The following ZFYVE9 variants were observed in gnomAD, a reference collection of about 807,000 sequenced individuals.
The protein encoded by ZFYVE9 is zinc finger FYVE domain-containing protein 9.
Under a neutral mutation model 126.7 loss-of-function variants are expected in ZFYVE9, and 43 were observed. The ratio of observed to expected loss-of-function variants is 0.34; its 90% CI spans 0.27 to 0.44. The LOEUF is 0.44. ZFYVE9 is among the 20% of genes least tolerant of loss of function. The pLI, the probability that ZFYVE9 is intolerant of heterozygous loss-of-function variation, is 1.00. For synonymous variants in ZFYVE9, 521 were observed against 597.4 expected, an observed-to-expected ratio of 0.87 and a Z score of 1.87; for missense variants, 1,476 against 1,697.0, an observed-to-expected ratio of 0.87 and a Z score of 2.29.
intron 13 of ZFYVE9, among the ~76,000 whole-genome samples, chr1:52,305,529 C>G (rs1195646465): frequency 6.6e-6 from 1 of 152,176 alleles, no homozygotes; most frequent in Non-Finnish European, 1.5e-5. Flanking sequence ...CTGCTGCCAT[C>G]ATGCTGGCTG....
intron 10 of ZFYVE9, among the ~76,000 whole-genome samples, chr1:52,286,263 G>C (rs543528460): frequency 2.0e-5 from 3 of 152,150 alleles, no homozygotes; most frequent in African/African-American, 7.2e-5. Flanking sequence ...GTGAAACCTT[G>C]AATACTGTAT....
rs1304663814 is a variant in ZFYVE9, at chr1:52,309,083, CAG to C, written c.3438+5161_3438+5162del. ...TTTCTTATTGACCCTGAATCCCTAA[CAG>C]AGCAACACATTGCATGTAGGAGATG... On this transcript the variant is annotated intron_variant, in intron 13 of 18. Transcript: ENST00000287727. Among the ~76,000 whole-genome samples the C allele has an allele frequency of 2.6e-5, 4 of 152,288 alleles. No individual in the cohort carries two copies. In the East Asian group the frequency reaches 7.7e-4, roughly 29 times the overall value.
chr1:52,224,212 G>A (rs1645149489), intron 2 of ZFYVE9, among the ~76,000 whole-genome samples: 2 of 152,180 alleles, frequency 1.3e-5, no homozygotes, highest in Admixed American at 6.5e-5. Flanking sequence ...TCCTGAGGAA[G>A]GGGCATGTTC....
At chr1:52,334,604 C>A in intron 14 of ZFYVE9, 84 bp from the exon 15 acceptor site, 1 of 1,421,126 alleles carries the variant, frequency 7.0e-7, no homozygotes, top group Non-Finnish European at 9.8e-7. Flanking sequence ...GGTCGGAATT[C>A]TCAACTTCTG....
At chr1:52,258,767 T>C (rs1012330398) in intron 4 of ZFYVE9, among the ~76,000 whole-genome samples, 1 of 152,196 alleles carries the variant, frequency 6.6e-6, no homozygotes, top group Admixed American at 6.5e-5. Flanking sequence ...CTAACTCCTG[T>C]GCTTTCCTCT....
chr1:52,330,744 G>T (rs1315793428), intron 13 of ZFYVE9, among the ~76,000 whole-genome samples: 1 of 152,138 alleles, frequency 6.6e-6, no homozygotes, highest in East Asian at 1.9e-4. Flanking sequence ...CCTGTATCTT[G>T]TGCTTTCCTC....
Position 52,183,127 on chromosome 1 carries a change from GA to G in ZFYVE9, c.-142-33239del, listed in dbSNP as rs1644730471. Among the ~76,000 whole-genome samples the G allele has an allele frequency of 3.3e-5, 5 of 152,260 alleles. No homozygotes were observed. In the South Asian group the frequency reaches 6.2e-4, roughly 19 times the overall value. Reference sequence around the variant, plus strand: ...AAGGCGAAAGGGCAGTAATTAGAGGGAAATGTAGGGTTGAAGGAGAGGTTTT... The same window carrying G: ...AAGGCGAAAGGGCAGTAATTAGAGGGAATGTAGGGTTGAAGGAGAGGTTTT... On this transcript the variant is annotated intron_variant, in intron 1 of 18. Coordinates refer to ENST00000287727, the MANE Select transcript of ZFYVE9 (RefSeq NM_004799.4).
At chr1:52,303,426 C>T (rs1471797554) in intron 12 of ZFYVE9, among the ~76,000 whole-genome samples, 1 of 152,110 alleles carries the variant, frequency 6.6e-6, no homozygotes, top group African/African-American at 2.4e-5. Flanking sequence ...TACAGATATT[C>T]ATTGAGTGCC....
chr1:52,279,397 T>TGA (rs1557497338), intron 9 of ZFYVE9, among the ~76,000 whole-genome samples: 1 of 152,324 alleles, frequency 6.6e-6, no homozygotes, highest in East Asian at 1.9e-4. Context: ...CATCATAAAT[T>TGA]GAGATTCAGA....
At chr1:52,343,424 C>T (rs1355330563) in intron 17 of ZFYVE9, among the ~76,000 whole-genome samples, 1 of 150,894 alleles carries the variant, frequency 6.6e-6, no homozygotes, top group Admixed American at 6.6e-5. Context: ...CCAGCCTGGG[C>T]AATAGAGCGA....
chr1:52,341,453 A>G (rs1646436842), intron 17 of ZFYVE9, among the ~76,000 whole-genome samples: 1 of 152,230 alleles, frequency 6.6e-6, no homozygotes, highest in Non-Finnish European at 1.5e-5. Context: ...TAGATCAGAA[A>G]GTTTATTCTC....
At chr1:52,289,568 C>G (rs1029778983) in intron 10 of ZFYVE9, among the ~76,000 whole-genome samples, 2 of 152,180 alleles carry the variant, frequency 1.3e-5, no homozygotes, top group Non-Finnish European at 2.9e-5. Context: ...TGAGTGCAGT[C>G]GTTGAGAAGT....
intron 1 of ZFYVE9, among the ~76,000 whole-genome samples, chr1:52,174,263 C>T (rs1316183904): frequency 1.3e-5 from 2 of 151,868 alleles, no homozygotes; most frequent in African/African-American, 4.8e-5. Context: ...TGTTATGTAC[C>T]CAGTAGTCAT....
chr1:52,301,291 C>CT (rs527599525), intron 12 of ZFYVE9, among the ~76,000 whole-genome samples: 3,051 of 72,640 alleles, frequency 0.042, 631 homozygotes, highest in Admixed American at 0.047. Flanking sequence ...CTTTTTCCAT[C>CT]TTTTTTTTTT....
intron 2 of ZFYVE9, among the ~76,000 whole-genome samples, chr1:52,232,728 CAAAA>C (rs552213191): frequency 1.1e-4 from 3 of 27,344 alleles, no homozygotes; most frequent in Non-Finnish European, 1.7e-4. Context: ...GACTCTGTCT[CAAAA>C]AAAAAAAAAA....
In ZFYVE9 at chr1:52,239,353, G is replaced by A; in HGVS notation, c.1936G>A (p.Gly646Arg). The A allele has an allele frequency of 6.2e-7, 1 of 1,614,180 alleles. No homozygotes were observed. Reference protein sequence around the residue: ...LGNISNVDTNGEHLESYEAEI... With the variant: ...LGNISNVDTNREHLESYEAEI... ...AAACATCTCTAATGTCGATACAAAT[G>A]GGGAACATTTAGAAAGTTATGAGGC... The change falls in exon 4 of 19, where the codon GGG becomes AGG. Residue 646 changes from glycine (G) to arginine (R), a missense_variant. Coordinates refer to ENST00000287727, the MANE Select transcript of ZFYVE9 (RefSeq NM_004799.4).
intron 13 of ZFYVE9, among the ~76,000 whole-genome samples, chr1:52,310,539 TA>T (rs1036025414): frequency 4.6e-5 from 7 of 151,978 alleles, no homozygotes; most frequent in African/African-American, 1.7e-4. Context: ...CCCCATCTCT[TA>T]AAAAAGCAAA....
rs559620228 is a variant in ZFYVE9, at chr1:52,228,463, G to GA, written c.-36-4703dup. Among the ~76,000 whole-genome samples the GA allele has an allele frequency of 8.3e-4, 127 of 152,236 alleles. 2 individuals are homozygous for GA. In the East Asian group the frequency reaches 0.021, roughly 25 times the overall value. ...TCTTTTAAGAAATCTTAAGCCTGCA[G>GA]AAAAATGGAAAGACTAGAACAATTA... is the stretch of plus-strand genomic sequence containing the variant. On this transcript the variant is annotated intron_variant, in intron 2 of 18. Coordinates refer to ENST00000287727, the MANE Select transcript of ZFYVE9 (RefSeq NM_004799.4).
At chr1:52,208,828 C>T (rs1020457417) in intron 1 of ZFYVE9, among the ~76,000 whole-genome samples, 19 of 152,146 alleles carry the variant, frequency 1.2e-4, no homozygotes, top group African/African-American at 4.1e-4. Flanking sequence ...CTACCATGCC[C>T]GGCCTTGAAT....
Sources: allele counts gnomAD v4.1 joint callset (sites outside exome capture counted in the v4.1 genomes callset), GRCh38; gene constraint gnomAD v4.1.1; transcripts MANE v1.5; gene names NCBI Gene and HGNC (gene_info 2026-07-23, HGNC 2026-07-21).